Variants in TANC2 observed in about 807,000 individuals in gnomAD.
TANC2 encodes the protein tetratricopeptide repeat, ankyrin repeat and coiled-coil containing 2.
In TANC2, 26 loss-of-function variants were observed where a neutral mutation model predicts 210.5. That is an observed-to-expected ratio of 0.12 (90% CI 0.09 to 0.17). The LOEUF (loss-of-function observed/expected upper bound fraction) is 0.17, where lower values mean the gene tolerates loss of function less well. TANC2 is among the 10% of genes least tolerant of loss of function. TANC2 has a pLI of 1.00. For missense variants in TANC2, 2,129 were observed against 2,608.9 expected (o/e 0.82, Z 4.01); for synonymous variants, 931 against 967.1 (o/e 0.96, Z 0.69).
intron 3 of TANC2, among the ~76,000 whole-genome samples, chr17:63,087,780 A>T (rs1196617725): frequency 6.6e-6 from 1 of 152,158 alleles, no homozygotes; most frequent in Non-Finnish European, 1.5e-5. Context: ...ACTACAGTTC[A>T]GGTTTTCCTA....
rs1598299931 is a variant in TANC2 at position 63,040,715 on chromosome 17, TTATC to T, written c.67+31093_67+31096del. Among the ~76,000 whole-genome samples the T allele has an allele frequency of 2.6e-5, 4 of 152,256 alleles. No homozygotes were observed. In the East Asian group the frequency reaches 7.7e-4, roughly 29 times the overall value. On this transcript the variant is annotated intron_variant, in intron 2 of 27. Coordinates refer to ENST00000689528, the Ensembl canonical transcript of TANC2. The stretch of plus-strand genomic sequence containing the variant: ...GAGCAGTATTTAAGTTATGCAGCAT[TTATC>T]TATGGCAGAGAGAGATAGAGAATAT...
At position 62,979,948 on chromosome 17, in the gene TANC2, T is replaced by A. The variant is rs538223018; in HGVS notation, c.-24+13199T>A. 2.0e-5 allele frequency among the ~76,000 whole-genome samples: 3 copies of A among 152,266 alleles called. No individual in the cohort carries two copies. The East Asian group carries it at 5.8e-4, about 29-fold the overall frequency. Reference sequence around the variant, plus strand: ...ATGAATGAATGAGTGAATGGCAGCTTGCTTTCTGAGATTTCCTGGCCTTAT... The same window carrying A: ...ATGAATGAATGAGTGAATGGCAGCTAGCTTTCTGAGATTTCCTGGCCTTAT... On this transcript the variant is annotated intron_variant, in intron 1 of 27. Transcript: ENST00000689528.
At chr17:63,214,251 A>G (rs1182685895) in intron 7 of TANC2, among the ~76,000 whole-genome samples, 1 of 152,218 alleles carries the variant, frequency 6.6e-6, no homozygotes, top group Non-Finnish European at 1.5e-5. Context: ...TATAGCATGC[A>G]CATGAGGTAA....
chr17:63,124,569 G>A (rs1398519139), intron 4 of TANC2, among the ~76,000 whole-genome samples: 1 of 152,188 alleles, frequency 6.6e-6, no homozygotes, highest in African/African-American at 2.4e-5. Context: ...GGAGAAGGAA[G>A]CATTTAATGA....
chr17:63,266,284 T>C (rs979237179), intron 8 of TANC2, among the ~76,000 whole-genome samples: 1 of 152,204 alleles, frequency 6.6e-6, no homozygotes, highest in Non-Finnish European at 1.5e-5. Flanking sequence ...GTAAAATGTT[T>C]CCTTGCTCAT....
At chr17:63,276,208 T>G (rs1178813802) in intron 9 of TANC2, among the ~76,000 whole-genome samples, 1 of 152,114 alleles carries the variant, frequency 6.6e-6, no homozygotes, top group Non-Finnish European at 1.5e-5. Context: ...CGAAAGGCTA[T>G]TTCATCAATG....
intron 9 of TANC2, among the ~76,000 whole-genome samples, chr17:63,270,035 A>T (rs1022722114): frequency 4.6e-5 from 7 of 152,070 alleles, no homozygotes; most frequent in African/African-American, 7.2e-5. Context: ...AGTCATCTTT[A>T]TTTTTCAAGA....
chr17:63,028,727 C>T (rs1302382589), intron 2 of TANC2, among the ~76,000 whole-genome samples: 3 of 152,074 alleles, frequency 2.0e-5, no homozygotes, highest in East Asian at 1.9e-4. Flanking sequence ...TCAAAATAAT[C>T]CTTATGCCAA....
At chr17:63,274,198 A>G (rs920071331) in intron 9 of TANC2, among the ~76,000 whole-genome samples, 4 of 147,982 alleles carry the variant, frequency 2.7e-5, no homozygotes, top group African/African-American at 1.1e-4. Flanking sequence ...ACATTGCTTC[A>G]TTAGTTAAAA....
intron 4 of TANC2, among the ~76,000 whole-genome samples, chr17:63,137,361 T>C (rs1282977998): frequency 1.3e-5 from 2 of 152,232 alleles, no homozygotes; most frequent in African/African-American, 4.8e-5. Flanking sequence ...TTTTGTGTTG[T>C]ATACTTCAAA....
intron 2 of TANC2, among the ~76,000 whole-genome samples, chr17:63,051,916 C>T (rs1283786996): frequency 6.6e-6 from 1 of 152,138 alleles, no homozygotes; most frequent in Admixed American, 6.5e-5. Flanking sequence ...TATGTATTTT[C>T]AGCTTATGAT....
intron 19 of TANC2, among the ~76,000 whole-genome samples, chr17:63,399,669 A>G (rs2048282803): frequency 1.3e-5 from 2 of 152,254 alleles, no homozygotes; most frequent in South Asian, 2.1e-4. Context: ...TTCCAGGAGA[A>G]GTAGACCAAT....
intron 25 of TANC2, among the ~76,000 whole-genome samples, 188 bp downstream of exon 25, chr17:63,413,822 A>G (rs1234954856): frequency 6.6e-6 from 1 of 152,156 alleles, no homozygotes; most frequent in South Asian, 2.1e-4. Flanking sequence ...AGAGTAGCCT[A>G]TAGTTGCCTG....
chr17:63,168,362 C>G (rs1328887573), intron 5 of TANC2, among the ~76,000 whole-genome samples: 1 of 152,096 alleles, frequency 6.6e-6, no homozygotes, highest in Non-Finnish European at 1.5e-5. Context: ...TCCCCAGTTG[C>G]ATGTTAATAA....
At chr17:63,060,593 C>T (rs1358430760) in intron 2 of TANC2, among the ~76,000 whole-genome samples, 2 of 151,178 alleles carry the variant, frequency 1.3e-5, no homozygotes, top group Non-Finnish European at 2.9e-5. Context: ...GCACTCCAAC[C>T]TGGGAGATAA....
intron 2 of TANC2, among the ~76,000 whole-genome samples, chr17:63,016,073 G>A (rs2143923827): frequency 6.6e-6 from 1 of 152,174 alleles, no homozygotes; most frequent in South Asian, 2.1e-4. Context: ...ATGTGTGGAA[G>A]GCAGGAGATA....
At chr17:63,330,038 C>T (rs2045784084) in intron 11 of TANC2, among the ~76,000 whole-genome samples, 1 of 152,156 alleles carries the variant, frequency 6.6e-6, no homozygotes, top group Non-Finnish European at 1.5e-5. Context: ...TTAGTGAACA[C>T]ATGAACAGTA....
At position 63,140,347 on chromosome 17, in the gene TANC2, G is replaced by A. The variant is rs555990785; in HGVS notation, c.323-10923G>A. 9.2e-5 allele frequency among the ~76,000 whole-genome samples: 14 copies of A among 152,302 alleles called. No homozygotes were observed. In the South Asian group the frequency reaches 2.5e-3, roughly 27 times the overall value. On this transcript the variant is annotated intron_variant, in intron 4 of 27. Transcript: ENST00000689528. ...ATAACAAACCATCTTTAAAATGGCA[G>A]CAGATTCATACAACAAATGTTGGTT...
At position 63,418,765 on chromosome 17, in the gene TANC2, C is replaced by G. The variant is rs752613853; in HGVS notation, c.4268+358C>G. On this transcript the variant is annotated intron_variant, in intron 27 of 27. Coordinates refer to ENST00000689528, the Ensembl canonical transcript of TANC2. The surrounding 1 kb of genome is among the most constrained non-coding windows in gnomAD (Gnocchi z 4.6). ...TCACTTAAGCAGAGCACCCCACCCC[C>G]GCTTTAGAGGGAAAGTAGGATGGTT... Among the ~76,000 whole-genome samples, 6 of 152,208 alleles carry G rather than the reference C, an allele frequency of 3.9e-5. No homozygotes were observed. Among genetic ancestry groups the G allele is most frequent in the African/African-American group, 1.4e-4 (6 of 41,446 alleles).
Sources: allele counts gnomAD v4.1 joint callset (sites outside exome capture counted in the v4.1 genomes callset), GRCh38; gene constraint gnomAD v4.1.1; non-coding constraint Gnocchi (gnomAD v3.1); transcripts MANE v1.5; gene names NCBI Gene and HGNC (gene_info 2026-07-23, HGNC 2026-07-21).